Variants in HCRTR2 observed in about 807,000 individuals in gnomAD.
The protein encoded by HCRTR2 is hypocretin receptor 2.
In HCRTR2, 22 loss-of-function variants were observed where a neutral mutation model predicts 49.0. That is an observed-to-expected ratio of 0.45 (90% CI 0.32 to 0.64). The LOEUF is 0.64. Ranked by LOEUF, HCRTR2 falls within the 30% of genes least tolerant of loss-of-function variation. The pLI is 0.04. For missense variants in HCRTR2, 491 were observed against 559.4 expected (o/e 0.88, Z 1.23); for synonymous variants, 236 against 205.3 (o/e 1.15, Z -1.28).
Position 55,282,553 on chromosome 6 carries a change from A to C in HCRTR2, c.*99A>C, listed in dbSNP as rs201692225. 3 of 702,152 alleles carry C rather than the reference A, an allele frequency of 4.3e-6. No individual in the cohort carries two copies. The highest frequency in any genetic ancestry group is 3.6e-5 in the African/African-American group (2 of 55,032). 43.5% of individuals were successfully genotyped at this position (702,152 alleles called of 1,614,324 possible). On this transcript the variant is annotated 3_prime_UTR_variant, in exon 7 of 7. Transcript: ENST00000370862. Reference sequence around the variant, plus strand: ...TATCCTATGATGTGAAGCTAAAATTACTTGTGGATCTTTTTTTTTTTTAAT... The same window carrying C: ...TATCCTATGATGTGAAGCTAAAATTCCTTGTGGATCTTTTTTTTTTTTAAT...
At chr6:55,185,157 AC>A (rs1765196079) in intron 1 of HCRTR2, among the ~76,000 whole-genome samples, 1 of 152,236 alleles carries the variant, frequency 6.6e-6, no homozygotes. Context: ...AATACTTTAT[AC>A]AAAAGTTTCC....
chr6:55,269,531 A>T (rs1339095628), intron 4 of HCRTR2, among the ~76,000 whole-genome samples: 1 of 152,202 alleles, frequency 6.6e-6, no homozygotes, highest in African/African-American at 2.4e-5. Flanking sequence ...ATGAAAGATT[A>T]ATATATATAC....
chr6:55,271,116 T>C, intron 4 of HCRTR2, among the ~76,000 whole-genome samples: 1 of 151,988 alleles, frequency 6.6e-6, no homozygotes, highest in East Asian at 1.9e-4. Context: ...GAAAAAGAAA[T>C]GGAAAACTTA....
At chr6:55,136,782 G>A (rs1027649690) in intron 1 of HCRTR2, among the ~76,000 whole-genome samples, 1 of 152,096 alleles carries the variant, frequency 6.6e-6, no homozygotes, top group East Asian at 1.9e-4. Flanking sequence ...TCAGTAGCTG[G>A]AACCTACAAG....
intron 1 of HCRTR2, among the ~76,000 whole-genome samples, chr6:55,133,907 T>A (rs1355795874): frequency 6.6e-6 from 1 of 151,910 alleles, no homozygotes; most frequent in Admixed American, 6.6e-5. Flanking sequence ...TAACATAGTA[T>A]AAAAAGTGGT....
chr6:55,175,779 C>A (rs1358130786), intron 1 of HCRTR2, among the ~76,000 whole-genome samples: 3 of 151,912 alleles, frequency 2.0e-5, no homozygotes, highest in African/African-American at 7.3e-5. Flanking sequence ...GGGGAATATA[C>A]CTCCAGAAAA....
intron 1 of HCRTR2, among the ~76,000 whole-genome samples, chr6:55,207,614 G>A (rs565432313): frequency 9.1e-4 from 138 of 152,162 alleles, no homozygotes; most frequent in African/African-American, 3.0e-3. Context: ...CTTACAATAG[G>A]GAAGAACCAA....
At chr6:55,135,154 AT>A (rs1764416726) in intron 1 of HCRTR2, among the ~76,000 whole-genome samples, 1 of 152,246 alleles carries the variant, frequency 6.6e-6, no homozygotes, top group Admixed American at 6.5e-5. Flanking sequence ...ACTGTAAAAA[AT>A]ATTTGTCCAA....
rs544189078 is a variant in HCRTR2, at chr6:55,145,657, T to C, written c.-377-28554T>C. On this transcript the variant is annotated intron_variant, in intron 1 of 7. Transcript: ENST00000615358. ...GTCTCAATCTCCTGACCTCGTGATC[T>C]GCCCGCCTTGGCCTCCGAAAGTGCT... Among the ~76,000 whole-genome samples the C allele has an allele frequency of 9.7e-4, 148 of 152,122 alleles. 6 individuals are homozygous for C. Among genetic ancestry groups the C allele is most frequent in the East Asian group, 4.1e-3 (21 of 5,146 alleles).
intron 1 of HCRTR2, among the ~76,000 whole-genome samples, chr6:55,242,903 A>C (rs910291299): frequency 1.3e-5 from 2 of 152,228 alleles, no homozygotes; most frequent in African/African-American, 4.8e-5. Flanking sequence ...TTTAGTCTTT[A>C]GCCCACAAAA....
intron 1 of HCRTR2, among the ~76,000 whole-genome samples, chr6:55,124,933 C>CTT (rs36014361): frequency 1.4e-5 from 2 of 141,510 alleles, no homozygotes; most frequent in Non-Finnish European, 1.5e-5. Flanking sequence ...CCAACTCCTG[C>CTT]TTTTTTTTTT....
At position 55,167,944 on chromosome 6, in the gene HCRTR2, T is replaced by G. The variant is rs1284607944; in HGVS notation, c.-377-6267T>G. On this transcript the variant is annotated intron_variant, in intron 1 of 7. Transcript: ENST00000615358. ...CTAATCCATCTCCAGTCTAAAGATT[T>G]AGTAATAGGCAAGAATATACATATC... Among the ~76,000 whole-genome samples the G allele has an allele frequency of 7.9e-5, 12 of 152,302 alleles. No homozygotes were observed. In the East Asian group the frequency reaches 2.1e-3, roughly 27 times the overall value.
intron 1 of HCRTR2, among the ~76,000 whole-genome samples, chr6:55,141,842 A>AT (rs1764511904): frequency 6.6e-6 from 1 of 152,200 alleles, no homozygotes; most frequent in African/African-American, 2.4e-5. Flanking sequence ...CAAATATTAC[A>AT]CATGTACAAA....
upstream of HCRTR2, chr6:55,174,153 C>A: frequency 2.8e-5 from 6 of 213,216 alleles, no homozygotes; most frequent in Non-Finnish European, 5.7e-5. Context: ...ACTCTCACCC[C>A]CCACCCCCCA....
intron 1 of HCRTR2, among the ~76,000 whole-genome samples, chr6:55,129,812 C>T (rs1278143437): frequency 6.6e-6 from 1 of 151,948 alleles, no homozygotes; most frequent in African/African-American, 2.4e-5. Context: ...CAATATTCTT[C>T]AATCATTTCA....
chr6:55,151,443 T>C (rs4715522), intron 1 of HCRTR2, among the ~76,000 whole-genome samples: 74,956 of 151,802 alleles, frequency 0.49, 19,609 homozygotes, highest in Middle Eastern at 0.63. Context: ...ACTTTATTTG[T>C]TTATCAAGAG....
Position 55,256,264 on chromosome 6 carries a change from A to T in HCRTR2, c.646+885A>T, listed in dbSNP as rs190145959. Among the ~76,000 whole-genome samples, 59 of 152,270 alleles carry T rather than the reference A, an allele frequency of 3.9e-4. 1 individual carries two copies. Among genetic ancestry groups the T allele is most frequent in the African/African-American group, 1.3e-3 (55 of 41,586 alleles). ...CTAGGTAAGTATACTAAAATGGCTG[A>T]TATTTAGAGAATTCATATGTTAACA... On this transcript the variant is annotated intron_variant, in intron 3 of 6. Transcript: ENST00000370862.
chr6:55,282,927 T>A (rs897376316), downstream of HCRTR2, among the ~76,000 whole-genome samples: 2 of 152,282 alleles, frequency 1.3e-5, no homozygotes, highest in African/African-American at 4.8e-5. Context: ...GTTGTTATAA[T>A]GTGATATCTG....
At chr6:55,211,824 G>T (rs1329467302) in intron 1 of HCRTR2, among the ~76,000 whole-genome samples, 1 of 152,030 alleles carries the variant, frequency 6.6e-6, no homozygotes, top group African/African-American at 2.4e-5. Flanking sequence ...TATTCCCAAG[G>T]TACTGGGATA....
Sources: allele counts gnomAD v4.1 joint callset (sites outside exome capture counted in the v4.1 genomes callset), GRCh38; gene constraint gnomAD v4.1.1; transcripts MANE v1.5; gene names NCBI Gene and HGNC (gene_info 2026-07-23, HGNC 2026-07-21).